The following TFDP2 variants were observed in gnomAD, a reference collection of about 807,000 sequenced individuals.
TFDP2 encodes the protein transcription factor Dp-2 (E2F dimerization partner 2).
In TFDP2, 17 loss-of-function variants were observed where a neutral mutation model predicts 59.3. That is an observed-to-expected ratio of 0.29 (90% CI 0.20 to 0.43). TFDP2 has a LOEUF of 0.43. TFDP2 is among the 20% of genes least tolerant of loss of function. The probability of loss-of-function intolerance (pLI) is 1.00; values close to 1 mark genes in which losing one functional copy is unlikely to be tolerated. For missense variants in TFDP2, 391 were observed against 528.8 expected (o/e 0.74, Z 2.56); for synonymous variants, 180 against 194.7 (o/e 0.92, Z 0.63).
At chr3:142,021,397 G>T (rs1161123626) in intron 3 of TFDP2, among the ~76,000 whole-genome samples, 1 of 152,190 alleles carries the variant, frequency 6.6e-6, no homozygotes, top group African/African-American at 2.4e-5. Context: ...AGAACATAGA[G>T]AACTTTCAGG....
Position 141,962,504 on chromosome 3 carries a change from G to A in TFDP2, c.884+1308C>T, listed in dbSNP as rs368841047. 1.3e-4 allele frequency among the ~76,000 whole-genome samples: 20 copies of A among 152,086 alleles called. No individual in the cohort carries two copies. In the East Asian group the frequency reaches 1.4e-3, roughly 10 times the overall value. Reference sequence around the variant, plus strand: ...CTCCCTAGTAGCTGGGACTACAGGCGTGCGCCACCAAGCCTGGCTAATTTT... The same window carrying A: ...CTCCCTAGTAGCTGGGACTACAGGCATGCGCCACCAAGCCTGGCTAATTTT... On this transcript the variant is annotated intron_variant, in intron 10 of 12. Transcript: ENST00000489671.
chr3:142,028,652 C>T, intron 3 of TFDP2: 1 of 985,402 alleles, frequency 1.0e-6, no homozygotes, highest in Non-Finnish European at 1.2e-6. Flanking sequence ...TCAGTGGAAA[C>T]TTGAGACTGT....
At chr3:142,120,792 C>T (rs2062021349) in intron 1 of TFDP2, among the ~76,000 whole-genome samples, 1 of 152,150 alleles carries the variant, frequency 6.6e-6, no homozygotes. Context: ...ATGCCTCACC[C>T]AAGCAGCTGC....
intron 3 of TFDP2, among the ~76,000 whole-genome samples, chr3:142,032,086 TTC>T (rs934948006): frequency 3.3e-5 from 5 of 150,806 alleles, no homozygotes; most frequent in South Asian, 4.2e-4. Context: ...CTTTTTTTCT[TTC>T]TCTCTCTCTC....
intron 3 of TFDP2, among the ~76,000 whole-genome samples, chr3:142,066,667 T>C (rs114835055): frequency 1.5e-3 from 232 of 152,246 alleles, no homozygotes; most frequent in African/African-American, 5.4e-3. Context: ...GGATCATCTA[T>C]CTTCTGGGGA....
intron 9 of TFDP2, among the ~76,000 whole-genome samples, chr3:141,969,165 C>G (rs370021118): frequency 9.7e-4 from 40 of 41,142 alleles, no homozygotes; most frequent in African/African-American, 6.1e-3. Flanking sequence ...ATATATATAA[C>G]ATATATATAT....
Position 141,952,331 on chromosome 3 carries a change from T to A in TFDP2, c.*182A>T. ...CTGTTGGCCAGACTTTCATTCACAC[T>A]ATGTTAACTTTCATCTCAATCATCT... On this transcript the variant is annotated 3_prime_UTR_variant, in exon 13 of 13. Coordinates refer to ENST00000489671, the MANE Select transcript of TFDP2 (RefSeq NM_001178139.2). The A allele has an allele frequency of 1.9e-6, 1 of 523,566 alleles. No individual in the cohort carries two copies. The highest frequency in any genetic ancestry group is 3.2e-6 in the Non-Finnish European group (1 of 314,126). The allele number at this position is 523,566 out of a possible 1,614,324, so 32.4% of individuals were successfully genotyped here. A position where few individuals can be genotyped will look rare whatever the true frequency, so the allele number is the denominator to read the frequency against.
rs897854210 is a variant in TFDP2 at position 142,007,898 on chromosome 3, C to T, written c.83-2354G>A. Among the ~76,000 whole-genome samples the T allele has an allele frequency of 3.3e-5, 5 of 152,294 alleles. No homozygotes were observed. In the South Asian group the frequency reaches 1.0e-3, roughly 32 times the overall value. On this transcript the variant is annotated intron_variant, in intron 3 of 12. Coordinates refer to ENST00000489671, the MANE Select transcript of TFDP2 (RefSeq NM_001178139.2). ...GGCTGCAAATACAGATGAAGCTTTGCTCACTCACTGGCTTGCCTGCCTGCC... is the reference window on the plus strand; with the variant it reads ...GGCTGCAAATACAGATGAAGCTTTGTTCACTCACTGGCTTGCCTGCCTGCC...
chr3:142,096,871 A>C (rs1407156018), intron 2 of TFDP2, among the ~76,000 whole-genome samples: 1 of 152,222 alleles, frequency 6.6e-6, no homozygotes, highest in Non-Finnish European at 1.5e-5. Context: ...AAGACAAACT[A>C]AAGAGCTCAT....
In TFDP2 at chr3:141,949,553, AC is replaced by A. The variant is rs1935691052; in HGVS notation, c.*2959del. ...AAGCGCTGCTGTGTGCCTAGGCAGC[AC>A]CGCCCTACCCACTGAGGGCCAGGCA... On this transcript the variant is annotated 3_prime_UTR_variant, in exon 13 of 13. Transcript: ENST00000489671. The A allele has an allele frequency of 6.6e-6, 1 of 152,252 alleles. No individual in the cohort carries two copies. The highest frequency in any genetic ancestry group is 6.5e-5 in the Admixed American group (1 of 15,274). The allele number at this position is 152,252 out of a possible 1,614,324, so 9.4% of individuals were successfully genotyped here.
rs1344280689 is a variant in TFDP2, at chr3:141,977,124, TTTTTCC to T, written c.519+1390_519+1395del. Among the ~76,000 whole-genome samples, 685 of 111,204 alleles carry T rather than the reference TTTTTCC, an allele frequency of 6.2e-3. 18 individuals are homozygous for T. Among genetic ancestry groups the T allele is most frequent in the African/African-American group, 0.021 (634 of 29,878 alleles). The allele number at this position is 111,204 out of a possible 152,430, so 73.0% of individuals were successfully genotyped here. A position where few individuals can be genotyped will look rare whatever the true frequency, so the allele number is the denominator to read the frequency against. On this transcript the variant is annotated intron_variant, in intron 7 of 12. Transcript: ENST00000489671. ...TATATATATTTTTTTTTTTTTTTTT[TTTTTCC>T]CCCCAAAGAGACGAAGTCTTGCTTT...
At chr3:141,977,761 A>G (rs1940916063) in intron 7 of TFDP2, among the ~76,000 whole-genome samples, 1 of 151,836 alleles carries the variant, frequency 6.6e-6, no homozygotes, top group African/African-American at 2.4e-5. Context: ...CCCAGGCTGG[A>G]GTACAGTGGT....
intron 3 of TFDP2, among the ~76,000 whole-genome samples, chr3:142,008,719 G>A (rs913769876): frequency 4.0e-5 from 6 of 151,100 alleles, no homozygotes; most frequent in Non-Finnish European, 7.4e-5. Flanking sequence ...ATATACATAC[G>A]CATATAAAGT....
At chr3:142,090,120 T>C (rs1316870458) in intron 3 of TFDP2, among the ~76,000 whole-genome samples, 1 of 152,210 alleles carries the variant, frequency 6.6e-6, no homozygotes, top group Non-Finnish European at 1.5e-5. Flanking sequence ...TTCCTTCTGC[T>C]GTTACTAGCT....
chr3:141,979,724 G>A (rs1464733661), intron 6 of TFDP2, among the ~76,000 whole-genome samples: 4 of 152,084 alleles, frequency 2.6e-5, no homozygotes, highest in Non-Finnish European at 5.9e-5. Context: ...GAGTAGCTGG[G>A]ATTACAGGTG....
intron 1 of TFDP2, among the ~76,000 whole-genome samples, chr3:142,134,351 A>G (rs1010846551): frequency 6.7e-6 from 1 of 149,786 alleles, no homozygotes; most frequent in Non-Finnish European, 1.5e-5. Context: ...CCCATCTCAA[A>G]AAAAAAAAAA....
intron 6 of TFDP2, among the ~76,000 whole-genome samples, chr3:141,992,066 G>A (rs1365984385): frequency 1.5e-4 from 18 of 116,270 alleles, no homozygotes; most frequent in South Asian, 5.5e-4. Flanking sequence ...AGAAAGAAAA[G>A]AAAGAAAGAA....
At chr3:142,045,614 T>A (rs1210045240) in intron 3 of TFDP2, among the ~76,000 whole-genome samples, 2 of 3,474 alleles carry the variant, frequency 5.8e-4, no homozygotes, top group East Asian at 0.01. Context: ...TTATTTGACT[T>A]TTTTTTTTTT....
At position 142,145,461 on chromosome 3, in the gene TFDP2, C is replaced by T. The variant is rs576327423; in HGVS notation, c.-93+3722G>A. 3 of 152,286 alleles carry T rather than the reference C, an allele frequency of 2.0e-5. No individual in the cohort carries two copies. In the East Asian group the frequency reaches 5.8e-4, roughly 29 times the overall value. The allele number at this position is 152,286 out of a possible 1,614,324, so 9.4% of individuals were successfully genotyped here. ...TAGAAAAAGTAGTAATCAGTGCTCC[C>T]TTAGTAGCACATATACTAAACGGGA... On this transcript the variant is annotated intron_variant, in intron 1 of 12. Coordinates refer to ENST00000489671, the MANE Select transcript of TFDP2 (RefSeq NM_001178139.2).
Sources: gnomAD v4.1 joint callset for allele counts (sites outside exome capture counted in the v4.1 genomes callset) on GRCh38, gnomAD v4.1.1 for gene constraint, MANE v1.5 for transcripts, NCBI Gene and HGNC (gene_info 2026-07-23, HGNC 2026-07-21) for gene names.